Variants in PDIA3 observed in about 807,000 individuals in gnomAD.
The protein encoded by PDIA3 is protein disulfide isomerase family A member 3, also known as protein disulfide-isomerase A3.
In PDIA3, 16 loss-of-function variants were observed where a neutral mutation model predicts 56.9. The observed-to-expected ratio is 0.28, with a 90% CI of 0.19 to 0.43. The LOEUF (loss-of-function observed/expected upper bound fraction) is 0.43. PDIA3 is among the 20% of genes least tolerant of loss of function. PDIA3 has a pLI of 1.00. For synonymous variants in PDIA3, 192 were observed against 216.5 expected (o/e 0.89, Z 0.99); for missense variants, 485 against 621.3 (o/e 0.78, Z 2.33).
intron 5 of PDIA3, among the ~76,000 whole-genome samples, chr15:43,764,531 G>A (rs1207236784): frequency 1.3e-5 from 2 of 152,064 alleles, no homozygotes; most frequent in African/African-American, 2.4e-5. Context: ...GCAGTGGTGC[G>A]ATCTCGGCTC....
intron 1 of PDIA3, among the ~76,000 whole-genome samples, chr15:43,748,335 G>A (rs1241739785): frequency 2.0e-5 from 3 of 152,036 alleles, no homozygotes; most frequent in East Asian, 1.9e-4. Flanking sequence ...GAAATTAGCC[G>A]GGCATAGTGG....
chr15:43,760,441 G>A (rs372275634), intron 3 of PDIA3, among the ~76,000 whole-genome samples: 1 of 151,116 alleles, frequency 6.6e-6, no homozygotes, highest in African/African-American at 2.4e-5. Flanking sequence ...ATGTCCATCA[G>A]TTTTGCAATT....
chr15:43,758,224 G>A (rs1197825684), intron 3 of PDIA3, among the ~76,000 whole-genome samples: 1 of 151,546 alleles, frequency 6.6e-6, no homozygotes. Context: ...GCAACAAGAA[G>A]GAAACTCCGT....
At chr15:43,752,720 T>A (rs542063384) in intron 1 of PDIA3, 1 of 462,218 alleles carries the variant, frequency 2.2e-6, no homozygotes, top group East Asian at 7.0e-5. Context: ...CATCACTTGA[T>A]AAAATTACAC....
chr15:43,770,519 C>T lies in PDIA3; in HGVS notation c.1347-4C>T. ...TTGAAATTAATAAATGTTTCTTTCC[C>T]CAGTTTTCCTACCATATACTTCTCT... On this transcript the variant is annotated splice_region_variant and splice_polypyrimidine_tract_variant and intron_variant, in intron 11 of 12. Coordinates refer to ENST00000300289, the MANE Select transcript of PDIA3 (RefSeq NM_005313.5). 2 of 1,607,858 alleles carry T rather than the reference C, an allele frequency of 1.2e-6. No individual in the cohort carries two copies. Among genetic ancestry groups the T allele is most frequent in the African/African-American group, 1.3e-5 (1 of 74,932 alleles).
At chr15:43,757,888 C>T (rs1211948094) in intron 3 of PDIA3, among the ~76,000 whole-genome samples, 2 of 151,166 alleles carry the variant, frequency 1.3e-5, no homozygotes, top group African/African-American at 2.4e-5. Context: ...TGTGTGTTAT[C>T]TCCATGTATA....
At position 43,763,255 on chromosome 15, in the gene PDIA3, G is replaced by GTGATAC. The variant is rs758862661; in HGVS notation, c.602+54_602+59dup. Reference sequence around the variant, plus strand: ...TGACCAAGTATTATTGTGTGAACTGGTGATACTGATTGACTGGGACAAGGT... The same window carrying GTGATAC: ...TGACCAAGTATTATTGTGTGAACTGGTGATACTGATACTGATTGACTGGGACAAGGT... On this transcript the variant is annotated intron_variant, in intron 5 of 12. Transcript: ENST00000300289. The GTGATAC allele has an allele frequency of 8.1e-5, 129 of 1,585,246 alleles. 1 individual carries two copies. In the South Asian group the frequency reaches 1.4e-3, roughly 18 times the overall value.
At chr15:43,754,271 G>C (rs528978401) in intron 2 of PDIA3, among the ~76,000 whole-genome samples, 4 of 151,724 alleles carry the variant, frequency 2.6e-5, no homozygotes, top group Non-Finnish European at 5.9e-5. Flanking sequence ...GCACGTGCCT[G>C]TAGTCCCAGC....
rs557451225 is a variant in PDIA3, at chr15:43,761,390, T to A, written c.365-34T>A. On this transcript the variant is annotated intron_variant, in intron 3 of 12. Transcript: ENST00000300289. ...TGCCTTCTCAAAAATTATAAATAAG[T>A]TGTGTTGTCATAACTTTTATTTTGA... The A allele has an allele frequency of 1.1e-5, 12 of 1,123,638 alleles. No individual in the cohort carries two copies. In the South Asian group the frequency reaches 1.6e-4, roughly 15 times the overall value. The allele number at this position is 1,123,638 out of a possible 1,614,324, so 69.6% of individuals were successfully genotyped here.
chr15:43,751,773 C>T, intron 1 of PDIA3: 1 of 1,292,610 alleles, frequency 7.7e-7, no homozygotes, highest in Non-Finnish European at 1.0e-6. Context: ...GCCATGCATA[C>T]TTTTGTTGTT....
chr15:43,750,060 AGCTTGCTTT>A (rs112851722), intron 1 of PDIA3, among the ~76,000 whole-genome samples: 1 of 144,616 alleles, frequency 6.9e-6, no homozygotes, highest in South Asian at 2.1e-4. Flanking sequence ...GAAAGGTGAA[AGCTTGCTTT>A]GCTTGCTTTT....
rs1367213214 is a variant in PDIA3 at position 43,772,922 on chromosome 15, CTT to C, written c.*1706_*1707del. 1.9e-5 allele frequency: 10 copies of C among 529,396 alleles called. No individual in the cohort carries two copies. Among genetic ancestry groups the C allele is most frequent in the Non-Finnish European group, 3.3e-5 (10 of 305,320 alleles). The allele number at this position is 529,396 out of a possible 1,614,324, so 32.8% of individuals were successfully genotyped here. A position where few individuals can be genotyped will look rare whatever the true frequency, so the allele number is the denominator to read the frequency against. On this transcript the variant is annotated 3_prime_UTR_variant, in exon 13 of 13. Transcript: ENST00000300289. ...AGACTCCTAGGCACAGCTATGGAGT[CTT>C]TGCACAGTGCCCATACCCTAAAAAT...
Position 43,746,462 on chromosome 15 carries a change from T to C in PDIA3, c.-78T>C. 7.5e-7 allele frequency: 1 copy of C among 1,340,660 alleles called. No individual in the cohort carries two copies. 83.0% of individuals were successfully genotyped at this position (1,340,660 alleles called of 1,614,324 possible). ...CAGACGCGCGAGCGCAAGCAGCGGG[T>C]TAGTGGTCGCGCGCCCGACCTCCGC... is the stretch of plus-strand genomic sequence containing the variant. On this transcript the variant is annotated 5_prime_UTR_variant, in exon 1 of 13. Coordinates refer to ENST00000300289, the MANE Select transcript of PDIA3 (RefSeq NM_005313.5).
chr15:43,756,851 C>T (rs937806512), intron 3 of PDIA3, 85 bp downstream of exon 3: 5 of 775,978 alleles, frequency 6.4e-6, no homozygotes, highest in African/African-American at 5.2e-5. Context: ...TTTTTCTACA[C>T]AGTATACTTT....
chr15:43,771,167 A>T lies in PDIA3; in HGVS notation c.1467A>T (p.Val489=). 6.2e-7 allele frequency: 1 copy of T among 1,612,846 alleles called. No homozygotes were observed. Among genetic ancestry groups the T allele is most frequent in the Non-Finnish European group, 8.5e-7 (1 of 1,179,882 alleles). The change falls in exon 13 of 13, where the codon GTA becomes GTT. Residue 489 remains valine, a synonymous_variant. Transcript: ENST00000300289. The stretch of plus-strand genomic sequence containing the variant: ...AAAGAGAAGCTACAAACCCCCCTGT[A>T]ATTCAAGAAGAAAAACCCAAGAAGA... ...YLQREATNPP[V]IQEEKPKKKK...
chr15:43,746,466 T>G lies in PDIA3; in HGVS notation c.-74T>G, dbSNP rs577266122. 6 of 1,358,886 alleles carry G rather than the reference T, an allele frequency of 4.4e-6. No individual in the cohort carries two copies. Among genetic ancestry groups the G allele is most frequent in the East Asian group, 2.8e-5 (1 of 35,852 alleles). 84.2% of individuals were successfully genotyped at this position (1,358,886 alleles called of 1,614,324 possible). On this transcript the variant is annotated 5_prime_UTR_variant, in exon 1 of 13. Transcript: ENST00000300289. The stretch of plus-strand genomic sequence containing the variant: ...CGCGCGAGCGCAAGCAGCGGGTTAG[T>G]GGTCGCGCGCCCGACCTCCGCAGTC...
chr15:43,749,848 GGGA>G (rs1372341466), intron 1 of PDIA3, among the ~76,000 whole-genome samples: 1 of 152,054 alleles, frequency 6.6e-6, no homozygotes, highest in Non-Finnish European at 1.5e-5. Context: ...AGGCTGAGGT[GGGA>G]GGAGAAGATC....
In PDIA3 at chr15:43,765,868, A is replaced by G. The variant is rs746181880; in HGVS notation, c.720-19A>G. ...TAAAAACTTGGCAAGCCAGTTGATA[A>G]TGGATTATTTCATTTCAGTTTTGGT... On this transcript the variant is annotated intron_variant, in intron 6 of 12. Coordinates refer to ENST00000300289, the MANE Select transcript of PDIA3 (RefSeq NM_005313.5). 10 of 1,598,194 alleles carry G rather than the reference A, an allele frequency of 6.3e-6. No individual in the cohort carries two copies. The African/African-American group carries it at 1.4e-4, about 22-fold the overall frequency.
At chr15:43,748,945 A>G (rs956534520) in intron 1 of PDIA3, among the ~76,000 whole-genome samples, 2 of 149,230 alleles carry the variant, frequency 1.3e-5, no homozygotes, top group Admixed American at 6.7e-5. Context: ...ATTTTTTTGT[A>G]TTTTTAATAG....
Sources: gnomAD v4.1 joint callset for allele counts (sites outside exome capture counted in the v4.1 genomes callset) on GRCh38, gnomAD v4.1.1 for gene constraint, MANE v1.5 for transcripts, NCBI Gene and HGNC (gene_info 2026-07-23, HGNC 2026-07-21) for gene names.